The following ANO2 variants were observed in gnomAD, a reference collection of about 807,000 sequenced individuals.
ANO2 encodes the protein anoctamin 2.
ANO2 carries 101 observed loss-of-function variants against 124.2 expected under a neutral mutation model. The ratio of observed to expected loss-of-function variants is 0.81; its 90% CI spans 0.69 to 0.96. ANO2 has a LOEUF of 0.96. Among genes scored for constraint, ANO2 ranks in the 40% least tolerant of loss-of-function variants. The pLI, the probability that ANO2 is intolerant of heterozygous loss-of-function variation, is 0.00. For missense variants in ANO2, 1,293 were observed against 1,274.5 expected (o/e 1.01, Z -0.22); for synonymous variants, 486 against 482.5 (o/e 1.01, Z -0.09).
At chr12:5,796,988 C>T (rs1952882103) in intron 10 of ANO2, among the ~76,000 whole-genome samples, 2 of 152,208 alleles carry the variant, frequency 1.3e-5, no homozygotes, top group Admixed American at 6.5e-5. Flanking sequence ...AAATGAGGAG[C>T]TGAAAACCCA....
chr12:5,747,080 G>A (rs1951286656), intron 11 of ANO2, among the ~76,000 whole-genome samples: 1 of 152,194 alleles, frequency 6.6e-6, no homozygotes, highest in African/African-American at 2.4e-5. Context: ...TTCTGGTTTT[G>A]ATGTTGTGCC....
In ANO2 at chr12:5,864,558, G is replaced by C. The variant is rs892562669; in HGVS notation, c.535-10417C>G. 2.0e-5 allele frequency among the ~76,000 whole-genome samples: 3 copies of C among 152,308 alleles called. No homozygotes were observed. The South Asian group carries it at 6.2e-4, about 32-fold the overall frequency. On this transcript the variant is annotated intron_variant, in intron 3 of 24. Transcript: ENST00000682330. Reference sequence around the variant, plus strand: ...TGTGGATGCTAACTCTCAGCAATGGGTGTGCCTCTCCCTCACCCCCACCAG... The same window carrying C: ...TGTGGATGCTAACTCTCAGCAATGGCTGTGCCTCTCCCTCACCCCCACCAG...
intron 1 of ANO2, among the ~76,000 whole-genome samples, chr12:5,936,891 T>G (rs1046563285): frequency 6.6e-6 from 1 of 152,240 alleles, no homozygotes; most frequent in African/African-American, 2.4e-5. Flanking sequence ...AGAATTTTTA[T>G]AGAATTTTAT....
chr12:5,899,133 T>TG (rs1309404810), intron 3 of ANO2, among the ~76,000 whole-genome samples: 1 of 152,180 alleles, frequency 6.6e-6, no homozygotes, highest in Non-Finnish European at 1.5e-5. Flanking sequence ...GCATAGTAAG[T>TG]GCACAGTAAA....
At chr12:5,668,142 A>G (rs1356657383) in intron 14 of ANO2, among the ~76,000 whole-genome samples, 2 of 152,228 alleles carry the variant, frequency 1.3e-5, no homozygotes, top group Non-Finnish European at 2.9e-5. Context: ...ATCTTCCACA[A>G]TAGTTTAACT....
intron 11 of ANO2, among the ~76,000 whole-genome samples, chr12:5,744,812 C>G (rs142097736): frequency 6.6e-4 from 101 of 152,298 alleles, no homozygotes; most frequent in African/African-American, 2.3e-3. Flanking sequence ...CCTGTGCATG[C>G]TCTCACCTCC....
intron 17 of ANO2, 99 bp downstream of exon 17, chr12:5,615,087 G>T: frequency 1.1e-6 from 1 of 871,236 alleles, no homozygotes; most frequent in Non-Finnish European, 1.8e-6. Context: ...GGCTGACGCT[G>T]AGTGGACAAT....
At position 5,599,609 on chromosome 12, in the gene ANO2, C is replaced by G; in HGVS notation, c.2108G>C (p.Arg703Pro). 6.2e-7 allele frequency: 1 copy of G among 1,613,584 alleles called. No homozygotes were observed. The highest frequency in any genetic ancestry group is 8.5e-7 in the Non-Finnish European group (1 of 1,179,820). The change falls in exon 20 of 25, where the codon CGA becomes CCA. Residue 703 changes from arginine (R) to proline (P), a missense_variant. Coordinates refer to ENST00000682330, the MANE Select transcript of ANO2 (RefSeq NM_001364791.2). ...IGVPKLKKLF[R>P]KLKDETEAGE... ...AGCTTCGGTCTCATCTTTCAGCTTT[C>G]GAAATAGTTTCTTTAGCTTCCTGGA...
chr12:5,828,093 C>A (rs1185089920), intron 6 of ANO2, among the ~76,000 whole-genome samples: 1 of 152,158 alleles, frequency 6.6e-6, no homozygotes, highest in Non-Finnish European at 1.5e-5. Flanking sequence ...TAGAAATGGA[C>A]GGCAGTCACA....
At chr12:5,607,876 ATGGTAAGTTG>A (rs1944298643) in intron 19 of ANO2, among the ~76,000 whole-genome samples, 1 of 152,186 alleles carries the variant, frequency 6.6e-6, no homozygotes, top group African/African-American at 2.4e-5. Flanking sequence ...ATTCTACATT[ATGGTAAGTTG>A]TAAAATTATT....
intron 3 of ANO2, among the ~76,000 whole-genome samples, chr12:5,877,505 G>A (rs1938189925): frequency 1.3e-5 from 2 of 152,214 alleles, no homozygotes; most frequent in Non-Finnish European, 2.9e-5. Context: ...TGATATGGTG[G>A]CTAGAAGAAC....
In ANO2 at chr12:5,658,513, AATC is replaced by A. The variant is rs1483376366; in HGVS notation, c.1546-10715_1546-10713del. Among the ~76,000 whole-genome samples, 5 of 152,000 alleles carry A rather than the reference AATC, an allele frequency of 3.3e-5. No individual in the cohort carries two copies. In the South Asian group the frequency reaches 6.2e-4, roughly 19 times the overall value. On this transcript the variant is annotated intron_variant, in intron 14 of 24. Transcript: ENST00000682330. This position sits in a 1 kb window ranked among gnomAD's most constrained non-coding sequence, Gnocchi z 4.3. Reference sequence around the variant, plus strand: ...AATATCATCGTATCAAAATCAATATAATCATCAACATCAATATCATCGTATCAA... The same window carrying A: ...AATATCATCGTATCAAAATCAATATAATCAACATCAATATCATCGTATCAA...
At chr12:5,813,951 G>A (rs1953517130) in intron 7 of ANO2, among the ~76,000 whole-genome samples, 2 of 152,162 alleles carry the variant, frequency 1.3e-5, no homozygotes, top group Admixed American at 6.5e-5. Flanking sequence ...CCCAGAGCTG[G>A]AACTGGCACC....
At chr12:5,595,066 A>G (rs544984341) in intron 20 of ANO2, among the ~76,000 whole-genome samples, 1 of 152,310 alleles carries the variant, frequency 6.6e-6, no homozygotes, top group African/African-American at 2.4e-5. Context: ...GAAAATGTAA[A>G]TCCTTTACTT....
chr12:5,850,229 A>G (rs1280701738), intron 4 of ANO2, among the ~76,000 whole-genome samples: 5 of 151,934 alleles, frequency 3.3e-5, no homozygotes, highest in African/African-American at 1.2e-4. Flanking sequence ...CAGCCTGGCC[A>G]ACATGTTGAA....
At chr12:5,927,742 G>A (rs2136312255) in intron 1 of ANO2, among the ~76,000 whole-genome samples, 1 of 152,388 alleles carries the variant, frequency 6.6e-6, no homozygotes, top group Non-Finnish European at 1.5e-5. Context: ...ACATGCTGAT[G>A]GGGCAGAGGT....
intron 14 of ANO2, among the ~76,000 whole-genome samples, chr12:5,690,512 T>C (rs555510195): frequency 6.6e-6 from 1 of 152,306 alleles, no homozygotes; most frequent in East Asian, 1.9e-4. Context: ...GCACAGTGAA[T>C]GCCTCCTTTG....
intron 10 of ANO2, among the ~76,000 whole-genome samples, chr12:5,789,579 G>A (rs1388827759): frequency 6.6e-6 from 1 of 152,190 alleles, no homozygotes; most frequent in Non-Finnish European, 1.5e-5. Context: ...GCCAGAGGCA[G>A]GCAGTAATTC....
At chr12:5,585,900 T>C (rs1943088686) in intron 20 of ANO2, among the ~76,000 whole-genome samples, 1 of 152,120 alleles carries the variant, frequency 6.6e-6, no homozygotes, top group Non-Finnish European at 1.5e-5. Context: ...AAAATTAGGT[T>C]TATAGGATTT....
Sources: gnomAD v4.1 joint callset for allele counts (sites outside exome capture counted in the v4.1 genomes callset) on GRCh38, gnomAD v4.1.1 for gene constraint, Gnocchi (gnomAD v3.1) non-coding constraint, MANE v1.5 for transcripts, NCBI Gene and HGNC (gene_info 2026-07-23, HGNC 2026-07-21) for gene names.